HSF2: variants seen among roughly 807,000 people sequenced by gnomAD.
The protein encoded by HSF2 is heat shock factor protein 2.
Under a neutral mutation model 65.0 loss-of-function variants are expected in HSF2, and 21 were observed. That is an observed-to-expected ratio of 0.32 (90% CI 0.23 to 0.47). The LOEUF (loss-of-function observed/expected upper bound fraction) is 0.47, where lower values mean the gene tolerates loss of function less well. HSF2 is among the 20% of genes least tolerant of loss of function. The pLI, the probability that HSF2 is intolerant of heterozygous loss-of-function variation, is 1.00. For missense variants in HSF2, 499 were observed against 628.1 expected (o/e 0.79, Z 2.20); for synonymous variants, 225 against 219.1 (o/e 1.03, Z -0.24).
chr6:122,399,724 G>T lies in HSF2; in HGVS notation c.-14G>T, dbSNP rs188174617. ...TTCGGGTGTAGAATTTGGAATCCCT[G>T]CGCCGCGTTAACAATGAAGCAGAGT... On this transcript the variant is annotated 5_prime_UTR_variant, in exon 1 of 13. Transcript: ENST00000368455. 1.0e-4 allele frequency: 161 copies of T among 1,608,016 alleles called. 1 individual carries two copies. The Middle Eastern group carries it at 1.3e-3, about 13-fold the overall frequency.
At chr6:122,423,820 T>G (rs1254969027) in intron 10 of HSF2, 134 bp downstream of exon 10, 18 of 491,340 alleles carry the variant, frequency 3.7e-5, no homozygotes, top group Admixed American at 7.4e-5. Context: ...ATAATTTTGT[T>G]TATCAGAAAG....
Position 122,416,281 on chromosome 6 carries a change from A to G in HSF2, c.516A>G (p.Gln172=), listed in dbSNP as rs1398613838. The G allele has an allele frequency of 6.2e-7, 1 of 1,610,742 alleles. No homozygotes were observed. The highest frequency in any genetic ancestry group is 8.5e-7 in the Non-Finnish European group (1 of 1,177,094). Residue 172 remains glutamine, a synonymous_variant, in exon 5 of 13, where the codon CAA becomes CAG. Transcript: ENST00000368455. ...SELRAKHAQQ[Q]QVIRKIVQFI... is the part of the protein sequence containing the mutation. The stretch of plus-strand genomic sequence containing the variant: ...TACGAGCAAAGCATGCACAACAGCA[A>G]CAAGTTATTCGAAAGGTAAGAAGCT...
rs45488996 is a variant in HSF2 at position 122,423,043 on chromosome 6, T to G, written c.1070+86T>G. ...CTGTTTCTCTTTGAGTAATCTTCCT[T>G]TCAGATGATGAACCCACATAGTCCA... On this transcript the variant is annotated intron_variant, in intron 9 of 12. Transcript: ENST00000368455. The G allele has an allele frequency of 3.7e-4, 538 of 1,452,598 alleles. 1 individual carries two copies. The African/African-American group carries it at 7.1e-3, about 19-fold the overall frequency. The allele number at this position is 1,452,598 out of a possible 1,614,324, so 90.0% of individuals were successfully genotyped here. A position where few individuals can be genotyped will look rare whatever the true frequency, so the allele number is the denominator to read the frequency against.
At chr6:122,421,004 A>C (rs944415163) in intron 7 of HSF2, among the ~76,000 whole-genome samples, 3 of 151,444 alleles carry the variant, frequency 2.0e-5, no homozygotes, top group Non-Finnish European at 4.4e-5. Context: ...GAGCCACTGC[A>C]CCTGGCTTAC....
intron 5 of HSF2, among the ~76,000 whole-genome samples, chr6:122,418,498 A>G (rs1396732258): frequency 1.3e-5 from 2 of 152,138 alleles, no homozygotes; most frequent in Non-Finnish European, 2.9e-5. Context: ...TGTCTTCACA[A>G]TTTTCTCTCT....
chr6:122,431,541 CTG>C (rs762374706), intron 12 of HSF2, 27 bp downstream of exon 12: 1 of 1,327,794 alleles, frequency 7.5e-7, no homozygotes, highest in Non-Finnish European at 1.1e-6. Context: ...TATTCAGTCT[CTG>C]TAGGTTTTTT....
intron 1 of HSF2, among the ~76,000 whole-genome samples, chr6:122,403,091 G>C (rs763311532): frequency 2.0e-5 from 3 of 151,608 alleles, no homozygotes; most frequent in Non-Finnish European, 2.9e-5. Context: ...TACCAATTGC[G>C]TTTTGGAAAA....
At chr6:122,422,616 A>G (rs2114448152) in intron 8 of HSF2, 102 bp from the exon 9 acceptor site, 1 of 1,202,902 alleles carries the variant, frequency 8.3e-7, no homozygotes, top group South Asian at 1.4e-5. Flanking sequence ...TAAGCCTTTC[A>G]GTATGTGGTA....
At chr6:122,403,049 C>T (rs2114417229) in intron 1 of HSF2, among the ~76,000 whole-genome samples, 1 of 151,414 alleles carries the variant, frequency 6.6e-6, no homozygotes, top group Non-Finnish European at 1.5e-5. Context: ...TATTTCTCTA[C>T]CTTGAGTGTA....
intron 8 of HSF2, 90 bp from the exon 9 acceptor site, chr6:122,422,628 G>A (rs1375961062): frequency 4.5e-6 from 6 of 1,342,174 alleles, no homozygotes; most frequent in Admixed American, 1.8e-5. Context: ...TATGTGGTAT[G>A]GGGAGAGAGT....
chr6:122,404,784 G>A (rs1773827961), intron 1 of HSF2, among the ~76,000 whole-genome samples: 1 of 152,148 alleles, frequency 6.6e-6, no homozygotes, highest in Non-Finnish European at 1.5e-5. Flanking sequence ...ACAGGAAGGT[G>A]AATTTTTGCA....
chr6:122,399,677 T>TGCCGCCGTAGCTGCC lies in HSF2; in HGVS notation c.-54_-53insTAGCTGCCGCCGCCG. The TGCCGCCGTAGCTGCC allele has an allele frequency of 2.1e-6, 3 of 1,427,034 alleles. No homozygotes were observed. Among genetic ancestry groups the TGCCGCCGTAGCTGCC allele is most frequent in the East Asian group, 2.4e-5 (1 of 41,282 alleles). 88.4% of individuals were successfully genotyped at this position (1,427,034 alleles called of 1,614,324 possible). ...GTTCTCGGGGAGCTGCTGCCGTAGCTGCCGCCGCCGCTACCACCGCGTTCG... is the reference window on the plus strand; with the variant it reads ...GTTCTCGGGGAGCTGCTGCCGTAGCTGCCGCCGTAGCTGCCGCCGCCGCCGCTACCACCGCGTTCG... On this transcript the variant is annotated 5_prime_UTR_variant, in exon 1 of 13. Coordinates refer to ENST00000368455, the MANE Select transcript of HSF2 (RefSeq NM_004506.4).
At chr6:122,428,601 G>A (rs1268286116) in intron 11 of HSF2, among the ~76,000 whole-genome samples, 1 of 151,864 alleles carries the variant, frequency 6.6e-6, no homozygotes, top group Non-Finnish European at 1.5e-5. Context: ...TCATGAATAG[G>A]TATACACTCC....
At chr6:122,422,691 A>C (rs771313088) in intron 8 of HSF2, 27 bp from the exon 9 acceptor site, 1 of 1,608,678 alleles carries the variant, frequency 6.2e-7, no homozygotes, top group African/African-American at 1.3e-5. Flanking sequence ...AAAATGTAAT[A>C]GGTTCCTTCT....
At chr6:122,407,469 G>A (rs1773892532) in intron 1 of HSF2, among the ~76,000 whole-genome samples, 1 of 152,108 alleles carries the variant, frequency 6.6e-6, no homozygotes, top group South Asian at 2.1e-4. Context: ...TTGATGTAAA[G>A]CATTGTCTCA....
intron 4 of HSF2, among the ~76,000 whole-genome samples, chr6:122,414,906 C>T (rs1052052902): frequency 2.6e-5 from 4 of 152,138 alleles, no homozygotes; most frequent in East Asian, 1.9e-4. Context: ...CACGAGCCAC[C>T]GCACCCAGCC....
Position 122,415,248 on chromosome 6 carries a change from A to C in HSF2, c.456-973A>C, listed in dbSNP as rs373343383. On this transcript the variant is annotated intron_variant, in intron 4 of 12. Transcript: ENST00000368455. ...ATTGGATATGCTTTTTCAGAATAAC[A>C]TTTTAGTGGTTTACATATGCTGTTG... is the stretch of plus-strand genomic sequence containing the variant. 1.5e-4 allele frequency among the ~76,000 whole-genome samples: 23 copies of C among 152,358 alleles called. No homozygotes were observed. In the East Asian group the frequency reaches 3.5e-3, roughly 23 times the overall value.
intron 1 of HSF2, among the ~76,000 whole-genome samples, chr6:122,408,528 G>A (rs1473346131): frequency 6.6e-6 from 1 of 152,024 alleles, no homozygotes; most frequent in Non-Finnish European, 1.5e-5. Context: ...TCTTATATAT[G>A]TTGTAAATGG....
chr6:122,429,431 G>A (rs985309074), intron 11 of HSF2, among the ~76,000 whole-genome samples: 8 of 152,046 alleles, frequency 5.3e-5, no homozygotes, highest in Non-Finnish European at 2.9e-5. Flanking sequence ...TTTCATTATA[G>A]TTCTGAATCT....
Sources: gnomAD v4.1 joint callset for allele counts (sites outside exome capture counted in the v4.1 genomes callset) on GRCh38, gnomAD v4.1.1 for gene constraint, MANE v1.5 for transcripts, NCBI Gene and HGNC (gene_info 2026-07-23, HGNC 2026-07-21) for gene names.